Variants in RPS6KC1 observed in about 807,000 individuals in gnomAD.
RPS6KC1 encodes the protein ribosomal protein S6 kinase C1.
Under a neutral mutation model 103.8 loss-of-function variants are expected in RPS6KC1, and 54 were observed. The ratio of observed to expected loss-of-function variants is 0.52; its 90% confidence interval spans 0.42 to 0.65. RPS6KC1 has a LOEUF of 0.65. Among genes scored for constraint, RPS6KC1 ranks in the 30% least tolerant of loss-of-function variants. The pLI, the probability that RPS6KC1 is intolerant of heterozygous loss-of-function variation, is 0.00. For synonymous variants in RPS6KC1, 439 were observed against 438.7 expected (o/e 1.00, Z -0.01); for missense variants, 1,151 against 1,253.8 (o/e 0.92, Z 1.24).
At chr1:213,389,302 A>G in the RPS6KC1 span, among the ~76,000 whole-genome samples, 2 of 152,170 alleles carry the variant, frequency 1.3e-5, no homozygotes, top group Non-Finnish European at 2.9e-5. Context: ...AGAGTTGGGG[A>G]ACATTTTACT....
At position 213,262,801 on chromosome 1, in the gene RPS6KC1, C is replaced by T. The variant is rs373927574; in HGVS notation, c.3075C>T (p.Arg1025=). 3 of 1,606,098 alleles carry T rather than the reference C, an allele frequency of 1.9e-6. No homozygotes were observed. The highest frequency in any genetic ancestry group is 1.3e-5 in the African/African-American group (1 of 74,764). Residue 1025 remains arginine, a synonymous_variant, in exon 14 of 15, where the codon CGC becomes CGT. Transcript: ENST00000366960. ...NMPECVSEEA[R]SLIQQLLQFN... is the part of the protein sequence containing the mutation. ...CAGAATGTGTCTCTGAAGAGGCTCGCTCACTCATTCAACAGGTAATTTAAC... is the reference window on the plus strand; with the variant it reads ...CAGAATGTGTCTCTGAAGAGGCTCGTTCACTCATTCAACAGGTAATTTAAC...
the RPS6KC1 span, among the ~76,000 whole-genome samples, chr1:213,383,139 C>G: frequency 6.6e-6 from 1 of 152,212 alleles, no homozygotes; most frequent in East Asian, 1.9e-4. Flanking sequence ...GCCGTCCGCT[C>G]TGTACTGTGT....
chr1:213,254,974 C>CAA (rs558900101), intron 12 of RPS6KC1, among the ~76,000 whole-genome samples: 3 of 141,198 alleles, frequency 2.1e-5, no homozygotes, highest in Admixed American at 2.1e-4. Flanking sequence ...TGAAAATTGG[C>CAA]AAAAAAAAAA....
chr1:213,079,092 G>A (rs2079623330), intron 3 of RPS6KC1, among the ~76,000 whole-genome samples: 1 of 151,784 alleles, frequency 6.6e-6, no homozygotes, highest in Non-Finnish European at 1.5e-5. Flanking sequence ...TTTTTTATAT[G>A]ACAGTATATT....
At chr1:213,541,619 G>T in the RPS6KC1 span, among the ~76,000 whole-genome samples, 3 of 152,132 alleles carry the variant, frequency 2.0e-5, no homozygotes, top group Admixed American at 6.5e-5. Context: ...GGAAGCTTAC[G>T]TTTAATAACC....
rs533986454 is a variant in RPS6KC1, at chr1:213,180,453, A to G, written c.1044+3961A>G. Among the ~76,000 whole-genome samples, 14 of 152,192 alleles carry G rather than the reference A, an allele frequency of 9.2e-5. No homozygotes were observed. The South Asian group carries it at 2.9e-3, about 32-fold the overall frequency. Reference sequence around the variant, plus strand: ...TAAGAAATACCTTTTGAGAATTAGCATATTGACCAAAGGTGTGCTAGATTC... The same window carrying G: ...TAAGAAATACCTTTTGAGAATTAGCGTATTGACCAAAGGTGTGCTAGATTC... On this transcript the variant is annotated intron_variant, in intron 8 of 14. Coordinates refer to ENST00000366960, the MANE Select transcript of RPS6KC1 (RefSeq NM_012424.6).
At chr1:213,541,386 G>A in the RPS6KC1 span, among the ~76,000 whole-genome samples, 1 of 151,798 alleles carries the variant, frequency 6.6e-6, no homozygotes. Flanking sequence ...GAGACACAGA[G>A]ACACAAAATG....
the RPS6KC1 span, among the ~76,000 whole-genome samples, chr1:213,301,092 C>G: frequency 6.6e-5 from 10 of 152,220 alleles, no homozygotes; most frequent in African/African-American, 2.4e-4. Context: ...GTTTTTTCCA[C>G]TCCGCTAAGC....
At chr1:213,670,041 A>T in the RPS6KC1 span, among the ~76,000 whole-genome samples, 147 of 152,056 alleles carry the variant, frequency 9.7e-4, 2 homozygotes, top group East Asian at 4.1e-3. Context: ...CAAATTGCTC[A>T]GGAAACTTTT....
At chr1:213,267,172 A>G (rs571529625) in intron 14 of RPS6KC1, among the ~76,000 whole-genome samples, 8 of 152,058 alleles carry the variant, frequency 5.3e-5, no homozygotes, top group African/African-American at 1.7e-4. Flanking sequence ...GTGTTCTGCT[A>G]TGCGTTGGCA....
chr1:213,550,537 C>T, the RPS6KC1 span, among the ~76,000 whole-genome samples: 1 of 152,132 alleles, frequency 6.6e-6, no homozygotes, highest in Admixed American at 6.5e-5. Flanking sequence ...CTCTCCACAC[C>T]CAAGGCTTAT....
At chr1:213,528,120 C>T in the RPS6KC1 span, among the ~76,000 whole-genome samples, 1 of 152,010 alleles carries the variant, frequency 6.6e-6, no homozygotes, top group African/African-American at 2.4e-5. Flanking sequence ...TTGTACTAGT[C>T]CGTTCTCACA....
the RPS6KC1 span, among the ~76,000 whole-genome samples, chr1:213,811,247 A>G: frequency 6.6e-6 from 1 of 152,218 alleles, no homozygotes; most frequent in African/African-American, 2.4e-5. Flanking sequence ...CAACATCTGT[A>G]TCTGCTCTGC....
At chr1:213,708,271 A>G in the RPS6KC1 span, among the ~76,000 whole-genome samples, 1 of 152,140 alleles carries the variant, frequency 6.6e-6, no homozygotes, top group Non-Finnish European at 1.5e-5. Flanking sequence ...TGTAAGTTGT[A>G]TTCCTAGGTA....
At chr1:213,184,283 GA>G (rs1164044157) in intron 8 of RPS6KC1, among the ~76,000 whole-genome samples, 1 of 151,932 alleles carries the variant, frequency 6.6e-6, no homozygotes, top group Non-Finnish European at 1.5e-5. Flanking sequence ...GACATTAGAA[GA>G]AAGAAAACTA....
the RPS6KC1 span, among the ~76,000 whole-genome samples, chr1:213,337,662 T>A: frequency 6.6e-6 from 1 of 152,220 alleles, no homozygotes; most frequent in Admixed American, 6.5e-5. Flanking sequence ...TTCTTGGTGA[T>A]GACTGGACCC....
At chr1:213,771,691 T>C in the RPS6KC1 span, among the ~76,000 whole-genome samples, 1 of 152,232 alleles carries the variant, frequency 6.6e-6, no homozygotes, top group Admixed American at 6.5e-5. Context: ...TTTATATTAC[T>C]TATAACCACA....
the RPS6KC1 span, among the ~76,000 whole-genome samples, chr1:213,581,932 C>T: frequency 6.6e-6 from 1 of 151,918 alleles, no homozygotes; most frequent in Non-Finnish European, 1.5e-5. Flanking sequence ...GTGGAGCCTC[C>T]CTCACTTCCT....
chr1:213,560,438 G>C, the RPS6KC1 span, among the ~76,000 whole-genome samples: 7 of 152,296 alleles, frequency 4.6e-5, no homozygotes, highest in African/African-American at 1.4e-4. Flanking sequence ...AAGGAATGCA[G>C]GTGGCCTCTC....
Sources: allele counts gnomAD v4.1 joint callset (sites outside exome capture counted in the v4.1 genomes callset), GRCh38; gene constraint gnomAD v4.1.1; transcripts MANE v1.5; gene names NCBI Gene and HGNC (gene_info 2026-07-23, HGNC 2026-07-21).